GALNT10: variants seen among roughly 807,000 people sequenced by gnomAD.
GALNT10 encodes polypeptide N-acetylgalactosaminyltransferase 10.
A neutral mutation model predicts 75.0 loss-of-function variants in GALNT10; 41 were observed. That is an observed-to-expected ratio of 0.55 (90% CI 0.43 to 0.71). The LOEUF (loss-of-function observed/expected upper bound fraction) is 0.71. Among genes scored for constraint, GALNT10 ranks in the 30% least tolerant of loss-of-function variants. GALNT10 has a pLI of 0.00. For missense variants in GALNT10, 727 were observed against 818.5 expected (o/e 0.89, Z 1.36); for synonymous variants, 302 against 313.0 (o/e 0.96, Z 0.37).
At chr5:154,288,769 A>G (rs1279215290) in intron 1 of GALNT10, among the ~76,000 whole-genome samples, 1 of 152,216 alleles carries the variant, frequency 6.6e-6, no homozygotes, top group Non-Finnish European at 1.5e-5. Context: ...TTACCTCTGG[A>G]TTGAAAAATC....
intron 5 of GALNT10, 74 bp from the exon 6 acceptor site, chr5:154,380,374 C>T (rs575646274): frequency 1.7e-6 from 2 of 1,153,942 alleles, no homozygotes; most frequent in African/African-American, 1.5e-5. Flanking sequence ...TACAAGTAAG[C>T]TGCAGAACAG....
intron 4 of GALNT10, among the ~76,000 whole-genome samples, chr5:154,340,951 A>G (rs1259022355): frequency 6.6e-6 from 1 of 152,242 alleles, no homozygotes; most frequent in Non-Finnish European, 1.5e-5. Flanking sequence ...TTTTTTAAAA[A>G]GAAAATTCCA....
intron 4 of GALNT10, among the ~76,000 whole-genome samples, chr5:154,371,537 A>AGTGTGTGTGTGT (rs757305979): frequency 4.2e-5 from 3 of 70,858 alleles, no homozygotes; most frequent in Non-Finnish European, 8.1e-5. Flanking sequence ...GACACACCAC[A>AGTGTGTGTGTGT]GTGTGTGTGT....
chr5:154,376,169 A>G lies in GALNT10; in HGVS notation c.569-108A>G. On this transcript the variant is annotated intron_variant, in intron 4 of 11. Coordinates refer to ENST00000297107, the MANE Select transcript of GALNT10 (RefSeq NM_198321.4). This position sits in a 1 kb window ranked among gnomAD's most constrained non-coding sequence, Gnocchi z 4.1. ...TGAAAGGTCTAGTGAGGCAGTGTAC[A>G]GGAAAGCTGTGTCTAGACTGTGAAG... 1.3e-6 allele frequency: 1 copy of G among 749,448 alleles called. No homozygotes were observed. Among genetic ancestry groups the G allele is most frequent in the East Asian group, 2.6e-5 (1 of 38,798 alleles). The allele number at this position is 749,448 out of a possible 1,614,324, so 46.4% of individuals were successfully genotyped here.
chr5:154,325,466 C>T (rs1754743181), intron 3 of GALNT10, among the ~76,000 whole-genome samples: 1 of 151,970 alleles, frequency 6.6e-6, no homozygotes, highest in South Asian at 2.1e-4. Context: ...AAATTCTCAA[C>T]AAAATACTAG....
chr5:154,378,058 A>G (rs1211843980), intron 5 of GALNT10, among the ~76,000 whole-genome samples: 1 of 152,226 alleles, frequency 6.6e-6, no homozygotes, highest in Non-Finnish European at 1.5e-5. Flanking sequence ...ACATGGAAGA[A>G]ACATCCCCTT....
At chr5:154,356,653 T>G (rs1440253851) in intron 4 of GALNT10, among the ~76,000 whole-genome samples, 1 of 152,194 alleles carries the variant, frequency 6.6e-6, no homozygotes, top group East Asian at 1.9e-4. Context: ...CTACTCCCCC[T>G]GAAGGTGGGA....
At chr5:154,234,416 G>A (rs1432631930) in intron 1 of GALNT10, among the ~76,000 whole-genome samples, 1 of 152,076 alleles carries the variant, frequency 6.6e-6, no homozygotes, top group African/African-American at 2.4e-5. Context: ...ACACCAAAAG[G>A]GCTGGCATGG....
At chr5:154,319,745 G>C (rs965217844) in intron 3 of GALNT10, among the ~76,000 whole-genome samples, 6 of 152,226 alleles carry the variant, frequency 3.9e-5, no homozygotes, top group Non-Finnish European at 5.9e-5. Flanking sequence ...ACAAAAGGAT[G>C]CTTCTTGTTT....
At chr5:154,265,765 C>T (rs963946153) in intron 1 of GALNT10, among the ~76,000 whole-genome samples, 9 of 152,122 alleles carry the variant, frequency 5.9e-5, no homozygotes, top group African/African-American at 2.2e-4. Flanking sequence ...GAAGCACCTA[C>T]CCCAGTTTGC....
intron 1 of GALNT10, among the ~76,000 whole-genome samples, chr5:154,265,805 C>G (rs1216815176): frequency 2.0e-5 from 3 of 152,058 alleles, no homozygotes; most frequent in African/African-American, 7.2e-5. Flanking sequence ...TTTCTGGACC[C>G]TCTTACCCAG....
chr5:154,316,445 C>A (rs528314058), intron 3 of GALNT10, among the ~76,000 whole-genome samples: 1 of 152,308 alleles, frequency 6.6e-6, no homozygotes. Flanking sequence ...CTATTCATGG[C>A]GTGCTTGTTG....
At chr5:154,384,223 C>T (rs982597125) in intron 6 of GALNT10, among the ~76,000 whole-genome samples, 5 of 152,074 alleles carry the variant, frequency 3.3e-5, no homozygotes, top group African/African-American at 7.2e-5. Context: ...CGTAGCCAAC[C>T]GTATCACTAG....
chr5:154,411,269 C>T (rs1037053458), intron 9 of GALNT10, among the ~76,000 whole-genome samples: 2 of 152,248 alleles, frequency 1.3e-5, no homozygotes, highest in African/African-American at 4.8e-5. Context: ...CTGCTGAACT[C>T]ATGTTCCTTT....
At chr5:154,301,815 G>T (rs1331329064) in intron 3 of GALNT10, among the ~76,000 whole-genome samples, 1 of 152,156 alleles carries the variant, frequency 6.6e-6, no homozygotes, top group African/African-American at 2.4e-5. Context: ...CTGGCAGATG[G>T]ACCTCTGGCA....
At chr5:154,272,625 G>A (rs95398) in intron 1 of GALNT10, among the ~76,000 whole-genome samples, 16,281 of 152,156 alleles carry the variant, frequency 0.11, 1,187 homozygotes, top group African/African-American at 0.22. Context: ...TGAACCTTGC[G>A]TTAGCCAGCT....
At chr5:154,390,243 CA>C (rs1298022290) in intron 7 of GALNT10, among the ~76,000 whole-genome samples, 1 of 152,130 alleles carries the variant, frequency 6.6e-6, no homozygotes, top group South Asian at 2.1e-4. Context: ...GTTTTAAAGG[CA>C]AAACAGGATA....
intron 4 of GALNT10, among the ~76,000 whole-genome samples, chr5:154,362,363 T>C (rs1755403460): frequency 6.6e-6 from 1 of 152,154 alleles, no homozygotes; most frequent in Non-Finnish European, 1.5e-5. Context: ...TACACCACAT[T>C]GTGGAGTTCT....
intron 1 of GALNT10, among the ~76,000 whole-genome samples, chr5:154,235,488 A>G (rs574851283): frequency 1.3e-5 from 2 of 152,260 alleles, no homozygotes; most frequent in Admixed American, 6.5e-5. Flanking sequence ...TTAGGGGTTG[A>G]TTCAGTTTGA....
Sources: gnomAD v4.1 joint callset for allele counts (sites outside exome capture counted in the v4.1 genomes callset) on GRCh38, gnomAD v4.1.1 for gene constraint, Gnocchi (gnomAD v3.1) non-coding constraint, MANE v1.5 for transcripts, NCBI Gene and HGNC (gene_info 2026-07-23, HGNC 2026-07-21) for gene names.